Variants in ATRNL1 observed in about 807,000 individuals in gnomAD.
ATRNL1 encodes the protein attractin-like protein 1.
In ATRNL1, 95 loss-of-function variants were observed where a neutral mutation model predicts 182.7. The observed-to-expected ratio is 0.52, with a 90% confidence interval of 0.44 to 0.62. ATRNL1 has a LOEUF of 0.62. ATRNL1 is among the 20% of genes least tolerant of loss of function. ATRNL1 has a pLI of 0.00. For missense variants in ATRNL1, 1,471 were observed against 1,679.5 expected (o/e 0.88, Z 2.17); for synonymous variants, 576 against 568.3 (o/e 1.01, Z -0.19).
At chr10:115,133,107 T>C (rs1845332482) in intron 5 of ATRNL1, among the ~76,000 whole-genome samples, 1 of 152,222 alleles carries the variant, frequency 6.6e-6, no homozygotes, top group Non-Finnish European at 1.5e-5. Context: ...TTATTTTTTG[T>C]ATAAGATGTA....
At chr10:115,646,344 T>C (rs1555032442) in intron 26 of ATRNL1, among the ~76,000 whole-genome samples, 1 of 152,200 alleles carries the variant, frequency 6.6e-6, no homozygotes, top group African/African-American at 2.4e-5. Flanking sequence ...TATTTACTTC[T>C]CATGGACCAG....
At chr10:115,359,302 A>G (rs1486076621) in intron 19 of ATRNL1, among the ~76,000 whole-genome samples, 4 of 151,670 alleles carry the variant, frequency 2.6e-5, no homozygotes, top group South Asian at 2.1e-4. Context: ...GTACATAGTT[A>G]GAATTTTGCT....
In ATRNL1 at chr10:115,916,136, G is replaced by A. The variant is rs556935407; in HGVS notation, c.4019-28522G>A. ...ACGAATTTGTCTAGAATGCTTTCCA[G>A]TTTAAATGGACCATCTTAAAGGGCA... On this transcript the variant is annotated intron_variant, in intron 28 of 28. Coordinates refer to ENST00000355044, the MANE Select transcript of ATRNL1 (RefSeq NM_207303.4). Among the ~76,000 whole-genome samples, 20 of 152,330 alleles carry A rather than the reference G, an allele frequency of 1.3e-4. No homozygotes were observed. In the South Asian group the frequency reaches 3.9e-3, roughly 30 times the overall value.
At chr10:115,781,928 C>G (rs1399206022) in intron 27 of ATRNL1, among the ~76,000 whole-genome samples, 1 of 152,184 alleles carries the variant, frequency 6.6e-6, no homozygotes, top group Non-Finnish European at 1.5e-5. Context: ...AACTCTTACC[C>G]ACAATGTTTT....
At position 115,727,384 on chromosome 10, in the gene ATRNL1, A is replaced by G. The variant is rs536659493; in HGVS notation, c.3903+29A>G. 1.3e-5 allele frequency: 20 copies of G among 1,525,996 alleles called. No individual in the cohort carries two copies. The African/African-American group carries it at 2.3e-4, about 18-fold the overall frequency. 94.5% of individuals were successfully genotyped at this position (1,525,996 alleles called of 1,614,324 possible). ...GGAACAGCGGTGCTGAAAGAGGACC[A>G]CTGTGCTTTGCATATTTATTATATT... On this transcript the variant is annotated intron_variant, in intron 27 of 28. Coordinates refer to ENST00000355044, the MANE Select transcript of ATRNL1 (RefSeq NM_207303.4).
Position 115,093,674 on chromosome 10 carries a change from G to A in ATRNL1, c.-77G>A, listed in dbSNP as rs1211932332. 23 of 1,416,296 alleles carry A rather than the reference G, an allele frequency of 1.6e-5. No homozygotes were observed. The highest frequency in any genetic ancestry group is 2.2e-5 in the Admixed American group (1 of 45,808). 87.7% of individuals were successfully genotyped at this position (1,416,296 alleles called of 1,614,324 possible). A position where few individuals can be genotyped will look rare whatever the true frequency, so the allele number is the denominator to read the frequency against. On this transcript the variant is annotated 5_prime_UTR_variant, in exon 1 of 29. Transcript: ENST00000355044. The surrounding 1 kb of genome is among the most constrained non-coding windows in gnomAD (Gnocchi z 6.1). ...AGAAGCGGCGGCGGAGAGGTTTTCTGCGGCCGGAATTCCCTTCAACAGCAT... is the reference window on the plus strand; with the variant it reads ...AGAAGCGGCGGCGGAGAGGTTTTCTACGGCCGGAATTCCCTTCAACAGCAT...
chr10:115,258,589 T>C (rs1338729881), intron 10 of ATRNL1, among the ~76,000 whole-genome samples: 2 of 152,138 alleles, frequency 1.3e-5, no homozygotes, highest in African/African-American at 4.8e-5. Context: ...AATTTTGTTA[T>C]TACCTACCTT....
intron 19 of ATRNL1, among the ~76,000 whole-genome samples, chr10:115,339,633 C>T (rs181380396): frequency 2.6e-5 from 4 of 152,192 alleles, no homozygotes; most frequent in African/African-American, 7.2e-5. Flanking sequence ...AATATAAGAT[C>T]ATATTATCTG....
At chr10:115,876,451 C>G (rs1361835719) in intron 28 of ATRNL1, among the ~76,000 whole-genome samples, 2 of 152,154 alleles carry the variant, frequency 1.3e-5, no homozygotes, top group African/African-American at 2.4e-5. Flanking sequence ...TACCCACATA[C>G]CTAGCAAAAT....
intron 26 of ATRNL1, among the ~76,000 whole-genome samples, chr10:115,662,451 C>A (rs1279247678): frequency 1.3e-5 from 2 of 151,956 alleles, no homozygotes; most frequent in African/African-American, 4.8e-5. Context: ...CCCAGCAATC[C>A]CATTACTGGT....
intron 8 of ATRNL1, among the ~76,000 whole-genome samples, chr10:115,207,451 A>AT (rs1316807856): frequency 6.6e-6 from 1 of 151,862 alleles, no homozygotes; most frequent in Non-Finnish European, 1.5e-5. Flanking sequence ...GAGGATAAAC[A>AT]TTTTTTCATA....
intron 28 of ATRNL1, among the ~76,000 whole-genome samples, chr10:115,940,398 A>G (rs782456873): frequency 2.6e-5 from 4 of 152,220 alleles, no homozygotes; most frequent in Non-Finnish European, 5.9e-5. Context: ...CAAGTCTGAC[A>G]TAGCAGGCTG....
intron 28 of ATRNL1, among the ~76,000 whole-genome samples, chr10:115,859,331 G>A (rs1413208300): frequency 6.6e-6 from 1 of 151,894 alleles, no homozygotes; most frequent in African/African-American, 2.4e-5. Flanking sequence ...AGCAGGGAGC[G>A]AGAGATCCAG....
chr10:115,505,165 A>G (rs2133649095), intron 24 of ATRNL1, among the ~76,000 whole-genome samples: 1 of 152,220 alleles, frequency 6.6e-6, no homozygotes, highest in East Asian at 1.9e-4. Context: ...GTATAAGGAG[A>G]CCAATTTTAT....
At chr10:115,365,735 G>A (rs1233853585) in intron 19 of ATRNL1, among the ~76,000 whole-genome samples, 48 of 151,758 alleles carry the variant, frequency 3.2e-4, no homozygotes, top group African/African-American at 9.7e-4. Flanking sequence ...TGTTCTCGTT[G>A]GTTTCAAAGA....
At chr10:115,703,245 A>G (rs1311542623) in intron 26 of ATRNL1, among the ~76,000 whole-genome samples, 1 of 152,066 alleles carries the variant, frequency 6.6e-6, no homozygotes, top group Non-Finnish European at 1.5e-5. Context: ...CTTTCACCAT[A>G]TACAAAAATT....
At chr10:115,110,412 C>T (rs1844207324) in intron 1 of ATRNL1, among the ~76,000 whole-genome samples, 1 of 152,174 alleles carries the variant, frequency 6.6e-6, no homozygotes, top group African/African-American at 2.4e-5. Context: ...AAAGTGGCCT[C>T]TTGGTGCTGA....
At chr10:115,791,452 G>C (rs1555081761) in intron 27 of ATRNL1, among the ~76,000 whole-genome samples, 1 of 152,060 alleles carries the variant, frequency 6.6e-6, no homozygotes, top group Non-Finnish European at 1.5e-5. Context: ...GAAGCTCCCT[G>C]GGTGTTCGGA....
intron 25 of ATRNL1, among the ~76,000 whole-genome samples, chr10:115,546,077 G>A (rs553955923): frequency 4.9e-4 from 74 of 152,176 alleles, no homozygotes; most frequent in African/African-American, 1.8e-3. Context: ...CATAGTGCTT[G>A]GTACATATTA....
Sources: gnomAD v4.1 joint callset for allele counts (sites outside exome capture counted in the v4.1 genomes callset) on GRCh38, gnomAD v4.1.1 for gene constraint, Gnocchi (gnomAD v3.1) non-coding constraint, MANE v1.5 for transcripts, NCBI Gene and HGNC (gene_info 2026-07-23, HGNC 2026-07-21) for gene names.